The following USP10 variants were observed in gnomAD, a reference collection of about 807,000 sequenced individuals.
USP10 encodes the protein ubiquitin specific peptidase 10, also known as ubiquitin carboxyl-terminal hydrolase 10.
A neutral mutation model predicts 84.5 loss-of-function variants in USP10; 22 were observed. The ratio of observed to expected loss-of-function variants is 0.26; its 90% CI spans 0.19 to 0.37. The LOEUF (loss-of-function observed/expected upper bound fraction) is 0.37, where lower values mean the gene tolerates loss of function less well. USP10 is among the 10% of genes least tolerant of loss of function. The probability of loss-of-function intolerance (pLI) is 1.00; values close to 1 mark genes in which losing one functional copy is unlikely to be tolerated. For synonymous variants in USP10, 454 were observed against 387.6 expected, an observed-to-expected ratio of 1.17 and a Z score of -2.01; for missense variants, 1,019 against 998.9, an observed-to-expected ratio of 1.02 and a Z score of -0.27.
rs534803648 is a variant in USP10 at position 84,720,251 on chromosome 16, C to T, written c.22-13184C>T. Among the ~76,000 whole-genome samples the T allele has an allele frequency of 2.4e-3, 373 of 152,304 alleles. 2 individuals are homozygous for T. The highest frequency in any genetic ancestry group is 2.9e-3 in the Non-Finnish European group (195 of 68,024). ...CTGCCGTGGCGATGTGCGTTCCTTCCTGGCGGGTGGCCTCCAGTAGCTGGC... is the reference window on the plus strand; with the variant it reads ...CTGCCGTGGCGATGTGCGTTCCTTCTTGGCGGGTGGCCTCCAGTAGCTGGC... On this transcript the variant is annotated intron_variant, in intron 1 of 13. Transcript: ENST00000219473.
chr16:84,730,040 A>T (rs1199359964), intron 1 of USP10, among the ~76,000 whole-genome samples: 1 of 152,148 alleles, frequency 6.6e-6, no homozygotes, highest in African/African-American at 2.4e-5. Flanking sequence ...ACTTTTTATG[A>T]TTAATGTTTT....
intron 13 of USP10, among the ~76,000 whole-genome samples, chr16:84,777,152 A>T (rs1915106156): frequency 6.6e-6 from 1 of 152,208 alleles, no homozygotes; most frequent in Non-Finnish European, 1.5e-5. Context: ...TCTCGCGCAC[A>T]AGCTTTTCAG....
At chr16:84,748,563 C>T (rs925156545) in intron 4 of USP10, among the ~76,000 whole-genome samples, 1 of 152,144 alleles carries the variant, frequency 6.6e-6, no homozygotes, top group African/African-American at 2.4e-5. Context: ...CTCAGCCTCT[C>T]AAAGTGCTGA....
chr16:84,715,362 CA>C (rs906401690), intron 1 of USP10, among the ~76,000 whole-genome samples: 2 of 152,304 alleles, frequency 1.3e-5, no homozygotes, highest in African/African-American at 4.8e-5. Context: ...GCATAAGAAA[CA>C]ACTGGGCACG....
intron 4 of USP10, among the ~76,000 whole-genome samples, chr16:84,754,939 G>A (rs1306227462): frequency 6.6e-6 from 1 of 151,180 alleles, no homozygotes; most frequent in Non-Finnish European, 1.5e-5. Flanking sequence ...CCAGGAGTTC[G>A]AGACCAGCCT....
Position 84,714,588 on chromosome 16 carries a change from T to C in USP10, c.21+14477T>C, listed in dbSNP as rs543427670. ...CTTAACTTAATCTTCAGCATTGTTTTTTAAGGACTGCAGCGTATTCACAAG... is the reference window on the plus strand; with the variant it reads ...CTTAACTTAATCTTCAGCATTGTTTCTTAAGGACTGCAGCGTATTCACAAG... On this transcript the variant is annotated intron_variant, in intron 1 of 13. Coordinates refer to ENST00000219473, the MANE Select transcript of USP10 (RefSeq NM_005153.3). Among the ~76,000 whole-genome samples, 4 of 152,348 alleles carry C rather than the reference T, an allele frequency of 2.6e-5. No homozygotes were observed. The South Asian group carries it at 8.3e-4, about 32-fold the overall frequency.
chr16:84,707,276 G>A (rs982799880), intron 1 of USP10, among the ~76,000 whole-genome samples: 2 of 152,124 alleles, frequency 1.3e-5, no homozygotes, highest in African/African-American at 4.8e-5. Flanking sequence ...AATGAAATGT[G>A]CATTTAGAAA....
intron 1 of USP10, among the ~76,000 whole-genome samples, chr16:84,725,733 C>A (rs1330519686): frequency 1.3e-5 from 2 of 152,132 alleles, no homozygotes; most frequent in Non-Finnish European, 2.9e-5. Context: ...ACCCGTGTTT[C>A]TTAATCCTTT....
chr16:84,704,203 G>T (rs980247807), intron 1 of USP10, among the ~76,000 whole-genome samples: 1 of 151,566 alleles, frequency 6.6e-6, no homozygotes, highest in East Asian at 1.9e-4. Context: ...TTTCAGACAT[G>T]TAGGTACTTC....
intron 13 of USP10, among the ~76,000 whole-genome samples, chr16:84,778,271 C>T (rs1289788535): frequency 4.6e-5 from 7 of 152,046 alleles, no homozygotes; most frequent in East Asian, 1.9e-4. Context: ...GGGCCGGCAC[C>T]GGGAGATTGT....
intron 13 of USP10, 84 bp downstream of exon 13, chr16:84,775,309 G>A: frequency 7.3e-7 from 1 of 1,374,252 alleles, no homozygotes; most frequent in Non-Finnish European, 1.0e-6. Context: ...CTGCAACTTA[G>A]CATAGCGACC....
chr16:84,772,422 C>T, intron 11 of USP10, 119 bp from the exon 12 acceptor site: 6 of 1,416,988 alleles, frequency 4.2e-6, no homozygotes, highest in Non-Finnish European at 5.8e-6. Flanking sequence ...CCATGAAGTC[C>T]TGCCACAGGA....
At chr16:84,759,970 A>G (rs1262831056) in intron 7 of USP10, 24 bp downstream of exon 7, 1 of 1,612,178 alleles carries the variant, frequency 6.2e-7, no homozygotes, top group Admixed American at 1.7e-5. Flanking sequence ...AGTTTTGTTG[A>G]TGCTATTACA....
At chr16:84,713,848 C>G (rs1181180923) in intron 1 of USP10, among the ~76,000 whole-genome samples, 1 of 152,212 alleles carries the variant, frequency 6.6e-6, no homozygotes, top group Non-Finnish European at 1.5e-5. Context: ...GCCAGGCCAG[C>G]AGGGTCCCAA....
intron 1 of USP10, among the ~76,000 whole-genome samples, chr16:84,700,679 G>A (rs141785013): frequency 4.7e-4 from 71 of 152,262 alleles, no homozygotes; most frequent in African/African-American, 1.6e-3. Flanking sequence ...GGCTGCTGTT[G>A]CAAAGAAAAC....
At chr16:84,721,633 T>G (rs1418347343) in intron 1 of USP10, among the ~76,000 whole-genome samples, 1 of 152,186 alleles carries the variant, frequency 6.6e-6, no homozygotes, top group Non-Finnish European at 1.5e-5. Context: ...GTTCAAGCCA[T>G]CCTCCTGCCT....
intron 1 of USP10, among the ~76,000 whole-genome samples, chr16:84,726,477 G>T (rs1244174688): frequency 6.6e-6 from 1 of 152,208 alleles, no homozygotes; most frequent in Non-Finnish European, 1.5e-5. Flanking sequence ...CAGGCCCCCT[G>T]AGGGCCGTAG....
intron 1 of USP10, chr16:84,732,532 G>C (rs11863037): frequency 0.084 from 31,273 of 370,736 alleles, 2,129 homozygotes; most frequent in African/African-American, 0.26. Flanking sequence ...CTGCAACCTC[G>C]GCCTCCCTGG....
intron 4 of USP10, among the ~76,000 whole-genome samples, chr16:84,754,398 G>A (rs545504149): frequency 1.3e-5 from 2 of 152,234 alleles, no homozygotes; most frequent in Admixed American, 6.5e-5. Context: ...GTTTAACGAC[G>A]TCGTACCAGA....
Sources: allele counts gnomAD v4.1 joint callset (sites outside exome capture counted in the v4.1 genomes callset), GRCh38; gene constraint gnomAD v4.1.1; transcripts MANE v1.5; gene names NCBI Gene and HGNC (gene_info 2026-07-23, HGNC 2026-07-21).